Variants in PCM1 observed in about 807,000 individuals in gnomAD.
PCM1 encodes the protein pericentriolar material 1.
In PCM1, 157 loss-of-function variants were observed where a neutral mutation model predicts 241.9. That is an observed-to-expected ratio of 0.65 (90% CI 0.57 to 0.74). The LOEUF (loss-of-function observed/expected upper bound fraction) is 0.74, where lower values mean the gene tolerates loss of function less well. PCM1 is among the 30% of genes least tolerant of loss of function. PCM1 has a pLI of 0.00. For missense variants in PCM1, 3,478 were observed against 2,360.1 expected, an observed-to-expected ratio of 1.47 and a Z score of -9.81; for synonymous variants, 1,085 against 784.9, an observed-to-expected ratio of 1.38 and a Z score of -6.39.
chr8:17,962,224 T>TC, intron 16 of PCM1, 50 bp downstream of exon 16: 1 of 1,499,976 alleles, frequency 6.7e-7, no homozygotes, highest in East Asian at 2.4e-5. Flanking sequence ...TTGTTTTCCT[T>TC]TTTTTTTCTT....
Position 17,953,189 on chromosome 8 carries a change from G to C in PCM1, c.1288+3G>C. 1 of 1,499,446 alleles carries C rather than the reference G, an allele frequency of 6.7e-7. No individual in the cohort carries two copies. Among genetic ancestry groups the C allele is most frequent in the Non-Finnish European group, 9.1e-7 (1 of 1,096,732 alleles). 92.9% of individuals were successfully genotyped at this position (1,499,446 alleles called of 1,614,324 possible). On this transcript the variant is annotated splice_donor_region_variant and intron_variant, in intron 9 of 38. Coordinates refer to ENST00000325083, the MANE Select transcript of PCM1 (RefSeq NM_006197.4). ...TCAGCATCTTAACAATTCATCATGT[G>C]AGTAAATCTGGTTCAGCAGTATTGG...
At chr8:17,929,866 G>C (rs921420118) in intron 2 of PCM1, among the ~76,000 whole-genome samples, 6 of 152,128 alleles carry the variant, frequency 3.9e-5, no homozygotes, top group Non-Finnish European at 5.9e-5. Context: ...AGACAGAATA[G>C]TCACAACAGT....
At chr8:18,026,511 A>C (rs549052540) in intron 38 of PCM1, among the ~76,000 whole-genome samples, 1 of 151,814 alleles carries the variant, frequency 6.6e-6, no homozygotes, top group African/African-American at 2.4e-5. Context: ...CGCCTGCCTC[A>C]GCCTCCCAAA....
rs2071155655 is a variant in PCM1, at chr8:17,960,432, C to G, written c.2310C>G (p.Cys770Trp). ...QEKIQALQTACPDLQLSAASV... is the reference protein window; with the variant it reads ...QEKIQALQTAWPDLQLSAASV... Reference sequence around the variant, plus strand: ...AAATTCAAGCATTGCAAACGGCATGCCCTGACTTACAGGTAATTATGAAAT... The same window carrying G: ...AAATTCAAGCATTGCAAACGGCATGGCCTGACTTACAGGTAATTATGAAAT... The change falls in exon 15 of 39, where the codon TGC (cysteine) becomes TGG (tryptophan). Residue 770 changes from cysteine to tryptophan, a missense_variant. Transcript: ENST00000325083. The G allele has an allele frequency of 1.0e-5, 16 of 1,590,422 alleles. No individual in the cohort carries two copies. Among genetic ancestry groups the G allele is most frequent in the Non-Finnish European group, 1.4e-5 (16 of 1,172,294 alleles).
At chr8:17,980,042 C>T (rs181171462) in intron 23 of PCM1, among the ~76,000 whole-genome samples, 2 of 151,610 alleles carry the variant, frequency 1.3e-5, no homozygotes, top group East Asian at 1.9e-4. Flanking sequence ...GGTATAGCCA[C>T]CTATCCATGT....
At chr8:17,938,697 T>A (rs750984277) in intron 4 of PCM1, 43 bp from the exon 5 acceptor site, 1 of 1,511,754 alleles carries the variant, frequency 6.6e-7, no homozygotes, top group Non-Finnish European at 9.1e-7. Context: ...AATTTTGTCA[T>A]AAGGTTAATG....
At chr8:17,953,813 G>A (rs1167473115) in intron 9 of PCM1, among the ~76,000 whole-genome samples, 1 of 150,990 alleles carries the variant, frequency 6.6e-6, no homozygotes, top group African/African-American at 2.4e-5. Context: ...TTTCAAACAT[G>A]GCCCCTGTCT....
intron 24 of PCM1, among the ~76,000 whole-genome samples, chr8:17,983,036 A>G (rs769799852): frequency 2.0e-5 from 3 of 152,218 alleles, no homozygotes; most frequent in Non-Finnish European, 4.4e-5. Flanking sequence ...GGTCGCCTTA[A>G]TATACGTTTA....
intron 36 of PCM1, among the ~76,000 whole-genome samples, chr8:18,020,989 G>A (rs1427101639): frequency 6.6e-6 from 1 of 152,170 alleles, no homozygotes; most frequent in Non-Finnish European, 1.5e-5. Context: ...TGAGTATCAA[G>A]GAAATGCATG....
At chr8:17,984,649 T>C (rs1359058452) in intron 24 of PCM1, among the ~76,000 whole-genome samples, 1 of 151,964 alleles carries the variant, frequency 6.6e-6, no homozygotes, top group Non-Finnish European at 1.5e-5. Context: ...CTCACAAAAA[T>C]GAGTTTTTAT....
At chr8:18,012,155 C>T (rs1184615615) in intron 34 of PCM1, among the ~76,000 whole-genome samples, 1 of 152,096 alleles carries the variant, frequency 6.6e-6, no homozygotes, top group Non-Finnish European at 1.5e-5. Flanking sequence ...CCACCACACC[C>T]ATCCAATAAT....
intron 8 of PCM1, among the ~76,000 whole-genome samples, chr8:17,951,936 A>G (rs1243462301): frequency 6.6e-6 from 1 of 152,082 alleles, no homozygotes; most frequent in Admixed American, 6.6e-5. Context: ...AAAAATTTAA[A>G]AAAAGGCCAG....
At position 18,025,451 on chromosome 8, in the gene PCM1, G is replaced by C. The variant is rs937535275; in HGVS notation, c.5932G>C (p.Glu1978Gln). The C allele has an allele frequency of 1.9e-6, 3 of 1,569,270 alleles. No individual in the cohort carries two copies. The highest frequency in any genetic ancestry group is 2.6e-6 in the Non-Finnish European group (3 of 1,143,268). The part of the protein sequence containing the change: ...DLPLKLTIYS[E>Q]ADLRKKMVEE... ...ACCACTGAAACTGACAATATATTCA[G>C]AGGTATTTAGCTGTCTTTAATTAAA... The change falls in exon 37 of 39, where the codon GAG becomes CAG. Residue 1978 changes from glutamate (E) to glutamine (Q), a missense_variant and splice_region_variant. By Grantham distance (29) the Glu-to-Gln change is conservative. Coordinates refer to ENST00000325083, the MANE Select transcript of PCM1 (RefSeq NM_006197.4).
chr8:17,965,986 A>C lies in PCM1; in HGVS notation c.2856-13A>C, dbSNP rs779509207. 1.9e-6 allele frequency: 3 copies of C among 1,592,496 alleles called. No homozygotes were observed. The highest frequency in any genetic ancestry group is 1.3e-5 in the African/African-American group (1 of 74,154). On this transcript the variant is annotated splice_polypyrimidine_tract_variant and intron_variant, in intron 18 of 38. Transcript: ENST00000325083. ...TTATGTATGATGACTTAATGCTTTC[A>C]ATCTTGTGTTAGGTGGAAGAACAAT... is the stretch of plus-strand genomic sequence containing the variant.
chr8:17,945,178 C>A (rs1182060120), intron 6 of PCM1, among the ~76,000 whole-genome samples: 2 of 151,884 alleles, frequency 1.3e-5, no homozygotes, highest in Non-Finnish European at 1.5e-5. Flanking sequence ...GATAATTATC[C>A]CTACCCTTCA....
Position 17,939,712 on chromosome 8 carries a change from A to G in PCM1, c.634A>G (p.Ile212Val). The change falls in exon 6 of 39, where the codon ATT (isoleucine) becomes GTT (valine). Residue 212 changes from isoleucine (I) to valine (V), a missense_variant. By Grantham distance (29) the Ile-to-Val change is conservative. Coordinates refer to ENST00000325083, the MANE Select transcript of PCM1 (RefSeq NM_006197.4). The stretch of plus-strand genomic sequence containing the variant: ...GCAGATTGTAAGCAGGCTTGTTCAA[A>G]TTCGCGATTATATTACTAAAGCTAG... Reference protein sequence around the residue: ...SSQIVSRLVQIRDYITKASSM... With the variant: ...SSQIVSRLVQVRDYITKASSM... The G allele has an allele frequency of 6.5e-7, 1 of 1,540,080 alleles. No individual in the cohort carries two copies. Among genetic ancestry groups the G allele is most frequent in the Non-Finnish European group, 8.7e-7 (1 of 1,142,926 alleles).
In PCM1 at chr8:17,957,440, A is replaced by C. The variant is rs368834185; in HGVS notation, c.1804+19A>C. The C allele has an allele frequency of 8.1e-6, 13 of 1,610,064 alleles. No homozygotes were observed. In the African/African-American group the frequency reaches 1.7e-4, roughly 22 times the overall value. On this transcript the variant is annotated intron_variant, in intron 12 of 38. Transcript: ENST00000325083. ...TCTTTAGGTATGACTGACTGTATTT[A>C]CATATAATTTTGCTGTGTTATTCTT... is the stretch of plus-strand genomic sequence containing the variant.
rs141585715 is a variant in PCM1 at position 17,979,024 on chromosome 8, C to T, written c.3944-1567C>T. On this transcript the variant is annotated intron_variant, in intron 23 of 38. Transcript: ENST00000325083. ...CTGTAATCCCAGCACTTTGGGAGGG[C>T]GAGGCAGTTGGATTGCTTGAGCCTG... Among the ~76,000 whole-genome samples the T allele has an allele frequency of 7.6e-3, 1,143 of 151,348 alleles. 10 individuals are homozygous for T. The highest frequency in any genetic ancestry group is 0.027 in the African/African-American group (1,097 of 41,192).
chr8:17,932,765 CCATT>C, intron 2 of PCM1, among the ~76,000 whole-genome samples: 1 of 152,030 alleles, frequency 6.6e-6, no homozygotes, highest in East Asian at 1.9e-4. Flanking sequence ...TTTTTAAAAA[CCATT>C]CAATTTTCTT....
Sources: allele counts gnomAD v4.1 joint callset (sites outside exome capture counted in the v4.1 genomes callset), GRCh38; gene constraint gnomAD v4.1.1; transcripts MANE v1.5; gene names NCBI Gene and HGNC (gene_info 2026-07-23, HGNC 2026-07-21).